Variants in ITSN1 observed in about 807,000 individuals in gnomAD.
ITSN1 encodes the protein intersectin-1.
Under a neutral mutation model 239.8 loss-of-function variants are expected in ITSN1, and 58 were observed. The observed-to-expected ratio is 0.24, with a 90% CI of 0.20 to 0.30. ITSN1 has a LOEUF of 0.30. Among genes scored for constraint, ITSN1 ranks in the 10% least tolerant of loss-of-function variants. The pLI is 1.00. For missense variants in ITSN1, 1,558 were observed against 2,103.3 expected (o/e 0.74, Z 5.07); for synonymous variants, 780 against 770.8 (o/e 1.01, Z -0.20).
Position 33,885,058 on chromosome 21 carries a change from A to T in ITSN1, c.4694A>T (p.Lys1565Ile). Reference sequence around the variant, plus strand: ...TGTCCAAGGACTGCCTGGGTGCAGAAAATCAAAGCTGCTTCTGAACTCTAC... The same window carrying T: ...TGTCCAAGGACTGCCTGGGTGCAGATAATCAAAGCTGCTTCTGAACTCTAC... ...SINERTAWVQ[K>I]IKAASELYIE... Residue 1565 changes from lysine (K) to isoleucine (I), a missense_variant, in exon 37 of 40, where the codon AAA (lysine) becomes ATA (isoleucine). Around this residue, in one of 2 missense-constraint regions of ITSN1, gnomAD observed 576 missense variants for 893.3 expected, o/e 0.64. Coordinates refer to ENST00000381318, the MANE Select transcript of ITSN1 (RefSeq NM_003024.3). 1 of 1,614,190 alleles carries T rather than the reference A, an allele frequency of 6.2e-7. No individual in the cohort carries two copies. The highest frequency in any genetic ancestry group is 8.5e-7 in the Non-Finnish European group (1 of 1,180,004).
At chr21:33,729,097 C>T (rs997024891) in intron 4 of ITSN1, among the ~76,000 whole-genome samples, 1 of 152,126 alleles carries the variant, frequency 6.6e-6, no homozygotes, top group African/African-American at 2.4e-5. Flanking sequence ...TGGCCTCATC[C>T]CTTCATCCTG....
intron 14 of ITSN1, among the ~76,000 whole-genome samples, chr21:33,775,429 T>C (rs1158767581): frequency 6.6e-6 from 1 of 152,152 alleles, no homozygotes; most frequent in Non-Finnish European, 1.5e-5. Context: ...GTGTGTACTG[T>C]ATTAGAAGAT....
intron 1 of ITSN1, among the ~76,000 whole-genome samples, chr21:33,688,574 T>G (rs566761648): frequency 6.6e-6 from 1 of 152,300 alleles, no homozygotes; most frequent in African/African-American, 2.4e-5. Flanking sequence ...CTCAGGGGAA[T>G]GTAGTCTTGT....
chr21:33,868,197 G>C (rs1489878181), intron 33 of ITSN1, among the ~76,000 whole-genome samples: 1 of 152,214 alleles, frequency 6.6e-6, no homozygotes, highest in Non-Finnish European at 1.5e-5. Flanking sequence ...TACAATCCCT[G>C]AGCTAGACAT....
chr21:33,738,566 T>C (rs1361077372), intron 5 of ITSN1, among the ~76,000 whole-genome samples: 2 of 152,050 alleles, frequency 1.3e-5, no homozygotes, highest in African/African-American at 2.4e-5. Flanking sequence ...CACACCCGGC[T>C]AATTTTTCTA....
chr21:33,671,572 A>C (rs1044566153), intron 1 of ITSN1, among the ~76,000 whole-genome samples: 4 of 151,940 alleles, frequency 2.6e-5, no homozygotes, highest in African/African-American at 9.7e-5. Context: ...TGTTTTTTTA[A>C]GTTGGATGAT....
At chr21:33,864,397 G>T (rs190586260) in intron 31 of ITSN1, among the ~76,000 whole-genome samples, 10 of 152,236 alleles carry the variant, frequency 6.6e-5, no homozygotes, top group South Asian at 2.1e-4. Context: ...GGTGTTAAGG[G>T]TTCACATGTT....
chr21:33,658,031 C>G lies in ITSN1; in HGVS notation c.-33+15318C>G, dbSNP rs1350846709. On this transcript the variant is annotated intron_variant, in intron 1 of 39. Coordinates refer to ENST00000381318, the MANE Select transcript of ITSN1 (RefSeq NM_003024.3). ...TTTTGACTCCCCCAAAACGTAACTA[C>G]TAATGACCTATTGTTGACCAGAAGC... is the stretch of plus-strand genomic sequence containing the variant. 3.3e-5 allele frequency among the ~76,000 whole-genome samples: 5 copies of G among 152,182 alleles called. No individual in the cohort carries two copies. The East Asian group carries it at 9.6e-4, about 29-fold the overall frequency.
intron 4 of ITSN1, among the ~76,000 whole-genome samples, chr21:33,728,106 A>G (rs553534330): frequency 5.9e-5 from 9 of 152,122 alleles, no homozygotes; most frequent in Non-Finnish European, 1.0e-4. Flanking sequence ...CTGGGATTAC[A>G]GGTGCACACT....
chr21:33,774,147 T>C (rs1299427603), intron 12 of ITSN1, among the ~76,000 whole-genome samples: 1 of 152,182 alleles, frequency 6.6e-6, no homozygotes, highest in Non-Finnish European at 1.5e-5. Context: ...GGATGACCCA[T>C]GAGTCAGAGG....
At chr21:33,866,509 C>T (rs113206255) in intron 32 of ITSN1, among the ~76,000 whole-genome samples, 2 of 96,780 alleles carry the variant, frequency 2.1e-5, no homozygotes, top group Admixed American at 1.1e-4. Flanking sequence ...TCCTCTTCAC[C>T]TCTCCCCACC....
intron 8 of ITSN1, among the ~76,000 whole-genome samples, chr21:33,758,345 G>A (rs146850215): frequency 2.6e-3 from 390 of 152,304 alleles, no homozygotes; most frequent in African/African-American, 8.7e-3. Context: ...GAACTCCTGA[G>A]CTTAAGCGAT....
chr21:33,666,999 A>T (rs2089972467), intron 1 of ITSN1, among the ~76,000 whole-genome samples: 1 of 151,990 alleles, frequency 6.6e-6, no homozygotes, highest in Non-Finnish European at 1.5e-5. Flanking sequence ...TATTTTTCAT[A>T]GAGATGGGGT....
intron 26 of ITSN1, 65 bp downstream of exon 26, chr21:33,826,928 C>A (rs2074004737): frequency 1.5e-6 from 2 of 1,336,792 alleles, no homozygotes; most frequent in Non-Finnish European, 2.2e-6. Context: ...TGCTCCCCAT[C>A]TTTGTGTATT....
At chr21:33,703,599 TG>T (rs1446016229) in intron 1 of ITSN1, among the ~76,000 whole-genome samples, 4 of 152,214 alleles carry the variant, frequency 2.6e-5, no homozygotes, top group African/African-American at 9.6e-5. Flanking sequence ...ATGCATTTTG[TG>T]TAAAGTGTGG....
Position 33,735,155 on chromosome 21 carries a change from C to T in ITSN1, c.297C>T (p.Pro99=). ...LQGYQLPSAL[P]PVMKQQPVAI... is the part of the protein sequence containing the mutation. ...GATATCAGCTACCCTCTGCACTTCC[C>T]CCTGTCATGAAACAGCAACCAGTTG... is the stretch of plus-strand genomic sequence containing the variant. The change falls in exon 5 of 40, where the codon CCC becomes CCT. Residue 99 remains proline (P), a synonymous_variant. Transcript: ENST00000381318. 1.9e-6 allele frequency: 3 copies of T among 1,613,830 alleles called. No individual in the cohort carries two copies. Among genetic ancestry groups the T allele is most frequent in the Non-Finnish European group, 2.5e-6 (3 of 1,179,876 alleles).
At chr21:33,701,090 C>T (rs2091990931) in intron 1 of ITSN1, among the ~76,000 whole-genome samples, 1 of 151,642 alleles carries the variant, frequency 6.6e-6, no homozygotes, top group African/African-American at 2.4e-5. Context: ...GGAGTCACAA[C>T]CAAAGCATGC....
chr21:33,735,974 C>T (rs941587362), intron 5 of ITSN1, among the ~76,000 whole-genome samples: 5 of 152,122 alleles, frequency 3.3e-5, no homozygotes, highest in African/African-American at 7.2e-5. Context: ...CCAGCCTGTG[C>T]GACAGAGCAA....
chr21:33,704,852 G>C (rs1028971212), intron 1 of ITSN1, among the ~76,000 whole-genome samples: 17 of 150,366 alleles, frequency 1.1e-4, no homozygotes, highest in African/African-American at 4.2e-4. Flanking sequence ...ACTTTGGGAG[G>C]CCAGGGTGGG....
Sources: allele counts gnomAD v4.1 joint callset (sites outside exome capture counted in the v4.1 genomes callset), GRCh38; gene constraint gnomAD v4.1.1; regional missense constraint gnomAD v4.1.1; transcripts MANE v1.5; gene names NCBI Gene and HGNC (gene_info 2026-07-23, HGNC 2026-07-21).